The following ZNF385D variants were observed in gnomAD, a reference collection of about 807,000 sequenced individuals.
ZNF385D encodes zinc finger protein 385D.
In ZNF385D, 15 loss-of-function variants were observed where a neutral mutation model predicts 35.8. The observed-to-expected ratio is 0.42, with a 90% CI of 0.28 to 0.64. The LOEUF (loss-of-function observed/expected upper bound fraction) is 0.64, where lower values mean the gene tolerates loss of function less well. Among genes scored for constraint, ZNF385D ranks in the 30% least tolerant of loss-of-function variants. ZNF385D has a pLI of 0.23. For missense variants in ZNF385D, 474 were observed against 494.6 expected (o/e 0.96, Z 0.39); for synonymous variants, 212 against 186.8 (o/e 1.13, Z -1.10).
intron 3 of ZNF385D, among the ~76,000 whole-genome samples, chr3:21,812,582 G>A (rs186560253): frequency 1.6e-4 from 25 of 152,338 alleles, no homozygotes; most frequent in Middle Eastern, 3.4e-3. Flanking sequence ...CCACGCCCAC[G>A]GAGCCTTGCT....
chr3:22,071,775 C>A (rs759299280), intron 3 of ZNF385D, among the ~76,000 whole-genome samples: 43 of 151,982 alleles, frequency 2.8e-4, no homozygotes, highest in Admixed American at 2.2e-3. Context: ...TAGTAAAAGG[C>A]CTAAATCTAG....
chr3:21,736,460 T>C (rs2069247478), intron 1 of ZNF385D, among the ~76,000 whole-genome samples: 1 of 152,224 alleles, frequency 6.6e-6, no homozygotes, highest in Admixed American at 6.5e-5. Context: ...CCACCGACTG[T>C]TTAAAGAAAA....
intron 3 of ZNF385D, among the ~76,000 whole-genome samples, chr3:22,110,547 C>A (rs1192179767): frequency 1.3e-5 from 2 of 151,844 alleles, no homozygotes; most frequent in East Asian, 3.9e-4. Context: ...GACAAAAAAC[C>A]AAACACCGCA....
intron 3 of ZNF385D, among the ~76,000 whole-genome samples, chr3:21,899,351 T>C (rs1407612225): frequency 1.3e-5 from 2 of 152,116 alleles, no homozygotes; most frequent in African/African-American, 2.4e-5. Flanking sequence ...GAGGAAGCAA[T>C]AGTTTCTCCC....
chr3:21,640,991 G>A (rs2065588333), intron 2 of ZNF385D, among the ~76,000 whole-genome samples: 2 of 152,060 alleles, frequency 1.3e-5, no homozygotes, highest in Non-Finnish European at 1.5e-5. Flanking sequence ...AATGGTCACT[G>A]TTAGAGTCTA....
intron 2 of ZNF385D, among the ~76,000 whole-genome samples, chr3:22,216,196 A>G (rs1307810003): frequency 6.6e-6 from 1 of 152,058 alleles, no homozygotes; most frequent in African/African-American, 2.4e-5. Context: ...CCTTGCCAGA[A>G]TATTTTTTCC....
At chr3:21,952,941 A>G (rs899503134) in intron 3 of ZNF385D, among the ~76,000 whole-genome samples, 1 of 152,022 alleles carries the variant, frequency 6.6e-6, no homozygotes, top group African/African-American at 2.4e-5. Flanking sequence ...CAGACTTTCA[A>G]AGAGGTTTCC....
At chr3:21,833,634 G>A (rs2630788) in intron 3 of ZNF385D, among the ~76,000 whole-genome samples, 135,676 of 152,210 alleles carry the variant, frequency 0.89, 60,722 homozygotes, top group African/African-American at 0.96. Flanking sequence ...GTTTTAAGAC[G>A]TTCACTTTGG....
intron 3 of ZNF385D, among the ~76,000 whole-genome samples, chr3:21,976,569 T>C (rs1231976784): frequency 6.6e-6 from 1 of 152,170 alleles, no homozygotes; most frequent in Non-Finnish European, 1.5e-5. Context: ...ATGTAACAGA[T>C]AATCACCAAA....
intron 1 of ZNF385D, among the ~76,000 whole-genome samples, chr3:21,682,640 C>A (rs945237711): frequency 1.3e-5 from 2 of 149,932 alleles, no homozygotes; most frequent in Middle Eastern, 3.4e-3. Context: ...GTGGGATTCA[C>A]ATGGAAGCTG....
At chr3:21,469,049 G>T (rs929172346) in intron 4 of ZNF385D, among the ~76,000 whole-genome samples, 4 of 152,166 alleles carry the variant, frequency 2.6e-5, no homozygotes, top group African/African-American at 9.6e-5. Flanking sequence ...ACTGGACTGT[G>T]CATGAGTAAA....
chr3:21,866,193 C>A (rs1420976866), intron 3 of ZNF385D, among the ~76,000 whole-genome samples: 4 of 151,840 alleles, frequency 2.6e-5, no homozygotes, highest in African/African-American at 9.7e-5. Flanking sequence ...TGGCTCACGC[C>A]TATAATCCCA....
chr3:21,953,779 G>C (rs1250092658), intron 3 of ZNF385D, among the ~76,000 whole-genome samples: 1 of 151,952 alleles, frequency 6.6e-6, no homozygotes, highest in Non-Finnish European at 1.5e-5. Context: ...ACTTAGGCTT[G>C]CACAAAGATA....
At chr3:21,546,690 G>T (rs2125582774) in intron 3 of ZNF385D, among the ~76,000 whole-genome samples, 1 of 152,074 alleles carries the variant, frequency 6.6e-6, no homozygotes, top group Middle Eastern at 3.4e-3. Context: ...GCTGATTCCT[G>T]CCATTTAAGC....
At chr3:22,111,268 A>G (rs763321318) in intron 3 of ZNF385D, among the ~76,000 whole-genome samples, 1 of 148,176 alleles carries the variant, frequency 6.7e-6, no homozygotes, top group Non-Finnish European at 1.5e-5. Context: ...TATTCAAGAA[A>G]AGATTAGAAA....
chr3:22,108,062 T>G (rs2125638299), intron 3 of ZNF385D, among the ~76,000 whole-genome samples: 1 of 151,814 alleles, frequency 6.6e-6, no homozygotes, highest in South Asian at 2.1e-4. Flanking sequence ...TGTATTGATC[T>G]TACACCCCCA....
intron 3 of ZNF385D, among the ~76,000 whole-genome samples, chr3:21,860,907 G>A (rs1011536495): frequency 6.6e-6 from 1 of 152,098 alleles, no homozygotes; most frequent in Non-Finnish European, 1.5e-5. Context: ...TAGATTCGAT[G>A]TCTGATTCTC....
intron 4 of ZNF385D, among the ~76,000 whole-genome samples, chr3:21,477,521 T>G (rs554538047): frequency 3.3e-5 from 5 of 152,250 alleles, no homozygotes; most frequent in African/African-American, 1.2e-4. Flanking sequence ...CTCCCTAACA[T>G]ACTGTTTTGT....
Position 22,191,974 on chromosome 3 carries a change from G to C in ZNF385D, c.107-22939C>G, listed in dbSNP as rs1696069314. 2.0e-5 allele frequency among the ~76,000 whole-genome samples: 3 copies of C among 152,088 alleles called. No individual in the cohort carries two copies. The South Asian group carries it at 6.2e-4, about 32-fold the overall frequency. On this transcript the variant is annotated intron_variant, in intron 2 of 5. Coordinates refer to the ZNF385D transcript ENST00000494108. ...GCATGATTCCTCTTAACTCTGTCTT[G>C]TTTAGGAATTGACATAATGATGAAG...
Sources: allele counts gnomAD v4.1 joint callset (sites outside exome capture counted in the v4.1 genomes callset), GRCh38; gene constraint gnomAD v4.1.1; transcripts MANE v1.5; gene names NCBI Gene and HGNC (gene_info 2026-07-23, HGNC 2026-07-21).